Variants in PXDNL observed in about 807,000 individuals in gnomAD.
PXDNL encodes the protein probable oxidoreductase PXDNL.
PXDNL carries 145 observed loss-of-function variants against 150.8 expected under a neutral mutation model. The observed-to-expected ratio is 0.96, with a 90% CI of 0.84 to 1.10. PXDNL has a LOEUF of 1.10. PXDNL is among the 50% of genes least tolerant of loss of function. The probability of loss-of-function intolerance (pLI) is 0.00; values close to 1 mark genes in which losing one functional copy is unlikely to be tolerated. For missense variants in PXDNL, 2,087 were observed against 1,873.9 expected (o/e 1.11, Z -2.10); for synonymous variants, 757 against 725.7 (o/e 1.04, Z -0.69).
intron 3 of PXDNL, 79 bp downstream of exon 3, chr8:51,592,548 T>A: frequency 1.2e-6 from 1 of 843,720 alleles, no homozygotes; most frequent in Non-Finnish European, 1.9e-6. Flanking sequence ...ATTATTTTAA[T>A]TTAAAGTAAA....
intron 1 of PXDNL, among the ~76,000 whole-genome samples, chr8:51,662,948 C>A (rs1815306441): frequency 6.6e-6 from 1 of 152,170 alleles, no homozygotes; most frequent in Non-Finnish European, 1.5e-5. Flanking sequence ...AAGACTTGAT[C>A]TTTTTTAAAT....
chr8:51,712,812 T>C (rs1816527564), intron 1 of PXDNL, among the ~76,000 whole-genome samples: 1 of 152,238 alleles, frequency 6.6e-6, no homozygotes, highest in African/African-American at 2.4e-5. Flanking sequence ...TTCAAACTTC[T>C]GTTTTGAAAA....
At chr8:51,691,745 C>T (rs1816003903) in intron 1 of PXDNL, among the ~76,000 whole-genome samples, 1 of 152,118 alleles carries the variant, frequency 6.6e-6, no homozygotes, top group Non-Finnish European at 1.5e-5. Flanking sequence ...ATGATGCATA[C>T]TTCTAAAAGC....
chr8:51,602,873 TG>T (rs1455973583), intron 2 of PXDNL, among the ~76,000 whole-genome samples: 3 of 151,668 alleles, frequency 2.0e-5, no homozygotes, highest in Non-Finnish European at 3.0e-5. Context: ...TAACATTTAT[TG>T]TTTTTTTTCT....
chr8:51,468,233 AATTTCTTGCTATAATTGG>A (rs1810246313), intron 8 of PXDNL, among the ~76,000 whole-genome samples: 1 of 151,910 alleles, frequency 6.6e-6, no homozygotes, highest in Non-Finnish European at 1.5e-5. Context: ...GCAGTATTAA[AATTTCTTGCTATAATTGG>A]ATTTCCGTAA....
rs1814059805 is a variant in PXDNL, at chr8:51,613,386, C to T, written c.237-20688G>A. On this transcript the variant is annotated intron_variant, in intron 2 of 22. Coordinates refer to ENST00000356297, the MANE Select transcript of PXDNL (RefSeq NM_144651.5). The stretch of plus-strand genomic sequence containing the variant: ...CCTAAAGACATCAATTTGAGCGTCA[C>T]TTGATGTACAGGCAGTATCTGAAGA... Among the ~76,000 whole-genome samples, 3 of 146,458 alleles carry T rather than the reference C, an allele frequency of 2.0e-5. No individual in the cohort carries two copies. In the South Asian group the frequency reaches 6.4e-4, roughly 31 times the overall value.
intron 19 of PXDNL, among the ~76,000 whole-genome samples, chr8:51,369,137 A>T (rs527771291): frequency 6.6e-6 from 1 of 152,340 alleles, no homozygotes; most frequent in South Asian, 2.1e-4. Context: ...AAGTGTACTG[A>T]GTAGTGACAT....
At chr8:51,533,806 G>A (rs1443547977) in intron 4 of PXDNL, among the ~76,000 whole-genome samples, 1 of 150,692 alleles carries the variant, frequency 6.6e-6, no homozygotes, top group East Asian at 2.0e-4. Flanking sequence ...GCCCAGGCTG[G>A]AGTGCAGTGG....
At chr8:51,657,369 T>A (rs1307717495) in intron 1 of PXDNL, among the ~76,000 whole-genome samples, 1 of 152,240 alleles carries the variant, frequency 6.6e-6, no homozygotes, top group African/African-American at 2.4e-5. Context: ...TCAAATGTTA[T>A]ATGGTTGTTA....
chr8:51,367,198 C>T (rs1410691200), intron 19 of PXDNL, among the ~76,000 whole-genome samples: 1 of 151,350 alleles, frequency 6.6e-6, no homozygotes, highest in Non-Finnish European at 1.5e-5. Flanking sequence ...TAGTGGCAAG[C>T]CTGGGATGTT....
chr8:51,650,689 C>A (rs1486881974), intron 2 of PXDNL, among the ~76,000 whole-genome samples: 2 of 152,120 alleles, frequency 1.3e-5, no homozygotes, highest in African/African-American at 4.8e-5. Context: ...TGCTGCAGTG[C>A]CAAGTTTGTG....
chr8:51,623,156 C>T (rs1814290283), intron 2 of PXDNL, among the ~76,000 whole-genome samples: 1 of 152,190 alleles, frequency 6.6e-6, no homozygotes, highest in Non-Finnish European at 1.5e-5. Context: ...ATTGTCCTCT[C>T]TCTGGCTACA....
intron 12 of PXDNL, among the ~76,000 whole-genome samples, chr8:51,438,646 T>C (rs1809466202): frequency 6.6e-6 from 1 of 151,886 alleles, no homozygotes; most frequent in Non-Finnish European, 1.5e-5. Context: ...ACCTGGGAGA[T>C]GGAGCTTGCA....
At chr8:51,708,853 C>T (rs376761071) in intron 1 of PXDNL, among the ~76,000 whole-genome samples, 13 of 151,832 alleles carry the variant, frequency 8.6e-5, no homozygotes, top group Non-Finnish European at 1.5e-4. Context: ...CACTGAAATT[C>T]GGAGAGAAGT....
chr8:51,340,820 T>G (rs1049475092), intron 20 of PXDNL, among the ~76,000 whole-genome samples: 1 of 152,254 alleles, frequency 6.6e-6, no homozygotes, highest in African/African-American at 2.4e-5. Flanking sequence ...CAGTACTGTG[T>G]TAAAACAGTT....
Position 51,758,597 on chromosome 8 carries a change from G to A in PXDNL, c.164+50584C>T, listed in dbSNP as rs114261118. Among the ~76,000 whole-genome samples the A allele has an allele frequency of 4.9e-3, 747 of 152,250 alleles. 6 individuals are homozygous for A. Among genetic ancestry groups the A allele is most frequent in the African/African-American group, 0.017 (717 of 41,532 alleles). On this transcript the variant is annotated intron_variant, in intron 1 of 22. Transcript: ENST00000356297. Reference sequence around the variant, plus strand: ...TCATGGTAGTGGTTTTCCTTATGCTGTTCTTGTGATAGTGAGTTTTCACGA... The same window carrying A: ...TCATGGTAGTGGTTTTCCTTATGCTATTCTTGTGATAGTGAGTTTTCACGA...
At chr8:51,431,540 T>C (rs1301674554) in intron 12 of PXDNL, among the ~76,000 whole-genome samples, 1 of 152,226 alleles carries the variant, frequency 6.6e-6, no homozygotes, top group Non-Finnish European at 1.5e-5. Context: ...TTGACACATT[T>C]GATTCTCTCC....
chr8:51,433,305 A>T (rs985569362), intron 12 of PXDNL, among the ~76,000 whole-genome samples: 6 of 150,606 alleles, frequency 4.0e-5, no homozygotes, highest in Non-Finnish European at 5.9e-5. Context: ...TTTTATTTCT[A>T]AAAAAAGGGT....
rs1812005828 is a variant in PXDNL, at chr8:51,534,394, G to A, written c.380+22446C>T. Reference sequence around the variant, plus strand: ...CCGCCAGGCCAGCCGCCCAGTCCGGGAGGTGAGGGGCGCCTCTGCCCGGCC... The same window carrying A: ...CCGCCAGGCCAGCCGCCCAGTCCGGAAGGTGAGGGGCGCCTCTGCCCGGCC... On this transcript the variant is annotated intron_variant, in intron 4 of 22. Coordinates refer to ENST00000356297, the MANE Select transcript of PXDNL (RefSeq NM_144651.5). Among the ~76,000 whole-genome samples the A allele has an allele frequency of 2.0e-5, 3 of 146,690 alleles. No homozygotes were observed. In the South Asian group the frequency reaches 6.6e-4, roughly 32 times the overall value.
Sources: gnomAD v4.1 joint callset for allele counts (sites outside exome capture counted in the v4.1 genomes callset) on GRCh38, gnomAD v4.1.1 for gene constraint, MANE v1.5 for transcripts, NCBI Gene and HGNC (gene_info 2026-07-23, HGNC 2026-07-21) for gene names.